Variants in HEPHL1 observed in about 807,000 individuals in gnomAD.
HEPHL1 encodes hephaestin like 1, also known as ferroxidase HEPHL1.
A neutral mutation model predicts 122.0 loss-of-function variants in HEPHL1; 123 were observed. The ratio of observed to expected loss-of-function variants is 1.01; its 90% CI spans 0.87 to 1.17. The LOEUF is 1.17. Among genes scored for constraint, HEPHL1 ranks in the 50% most tolerant of loss-of-function variants. HEPHL1 has a pLI of 0.00. For synonymous variants in HEPHL1, 527 were observed against 508.9 expected, an observed-to-expected ratio of 1.04 and a Z score of -0.48; for missense variants, 1,452 against 1,430.5, an observed-to-expected ratio of 1.01 and a Z score of -0.24.
chr11:94,055,776 G>A lies in HEPHL1; in HGVS notation c.416-7732G>A, dbSNP rs564419172. Reference sequence around the variant, plus strand: ...TATGTGATCAAGAGTAGCAGTCAACGATAATTGGTTTCTGTACCCATAGGA... The same window carrying A: ...TATGTGATCAAGAGTAGCAGTCAACAATAATTGGTTTCTGTACCCATAGGA... On this transcript the variant is annotated intron_variant, in intron 2 of 19. Coordinates refer to ENST00000315765, the MANE Select transcript of HEPHL1 (RefSeq NM_001098672.2). The A allele has an allele frequency of 8.0e-4, 318 of 397,420 alleles. 4 individuals are homozygous for A. Among genetic ancestry groups the A allele is most frequent in the South Asian group, 3.7e-3 (163 of 43,690 alleles). 24.6% of individuals were successfully genotyped at this position (397,420 alleles called of 1,614,324 possible).
At chr11:94,038,265 G>T (rs4753119) in intron 1 of HEPHL1, among the ~76,000 whole-genome samples, 46 of 146,240 alleles carry the variant, frequency 3.1e-4, no homozygotes, top group African/African-American at 6.9e-4. Context: ...GAAAGTGATG[G>T]GGAGAATGGA....
chr11:94,042,667 T>A (rs1168017631), intron 1 of HEPHL1, among the ~76,000 whole-genome samples: 2 of 141,452 alleles, frequency 1.4e-5, no homozygotes, highest in Admixed American at 7.6e-5. Context: ...TAGGTGGGAA[T>A]TGAACAATGA....
chr11:94,034,592 A>G (rs1284392378), intron 1 of HEPHL1, among the ~76,000 whole-genome samples: 1 of 152,248 alleles, frequency 6.6e-6, no homozygotes, highest in Non-Finnish European at 1.5e-5. Flanking sequence ...CAACAAAGGA[A>G]TGTGGCTGTA....
At chr11:94,105,939 A>G (rs1946404495) in intron 16 of HEPHL1, 52 bp from the exon 17 acceptor site, 2 of 1,285,080 alleles carry the variant, frequency 1.6e-6, no homozygotes, top group Non-Finnish European at 2.1e-6. Context: ...CATTTAAAAA[A>G]TCAGCTTATC....
intron 11 of HEPHL1, among the ~76,000 whole-genome samples, chr11:94,087,093 G>T (rs978481445): frequency 1.3e-5 from 2 of 152,134 alleles, no homozygotes; most frequent in African/African-American, 4.8e-5. Flanking sequence ...GAGACTAGGA[G>T]CTCCATAGTC....
At chr11:94,042,802 C>G (rs1223596334) in intron 1 of HEPHL1, among the ~76,000 whole-genome samples, 2 of 136,174 alleles carry the variant, frequency 1.5e-5, no homozygotes, top group African/African-American at 5.4e-5. Context: ...GTGCAGCGCA[C>G]CAGCATGGCA....
At chr11:94,106,566 A>C (rs2134454501) in intron 17 of HEPHL1, among the ~76,000 whole-genome samples, 1 of 152,168 alleles carries the variant, frequency 6.6e-6, no homozygotes, top group Admixed American at 6.5e-5. Flanking sequence ...CAGTGCTGAG[A>C]TTACAGGCGT....
At chr11:94,024,821 G>T (rs559612572) in intron 1 of HEPHL1, among the ~76,000 whole-genome samples, 11 of 152,060 alleles carry the variant, frequency 7.2e-5, no homozygotes, top group Admixed American at 1.3e-4. Flanking sequence ...AAGTTTTGGC[G>T]TATATTCAAT....
chr11:94,036,589 G>A (rs192394715), intron 1 of HEPHL1, among the ~76,000 whole-genome samples: 1 of 152,076 alleles, frequency 6.6e-6, no homozygotes, highest in African/African-American at 2.4e-5. Flanking sequence ...ACTCACTGTG[G>A]ATCTGGAATG....
At chr11:94,093,772 G>A in intron 13 of HEPHL1, 132 bp downstream of exon 13, 1 of 1,009,298 alleles carries the variant, frequency 9.9e-7, no homozygotes, top group Non-Finnish European at 1.4e-6. Flanking sequence ...TCCTCCAAGT[G>A]TAATATCTTC....
chr11:94,071,372 T>A (rs1946072320), intron 6 of HEPHL1, among the ~76,000 whole-genome samples: 1 of 152,286 alleles, frequency 6.6e-6, no homozygotes, highest in South Asian at 2.1e-4. Flanking sequence ...CTTTCACTCA[T>A]TATTCTACCA....
Position 94,101,278 on chromosome 11 carries a change from C to G in HEPHL1, c.2518C>G (p.Gln840Glu), listed in dbSNP as rs772198964. The change falls in exon 14 of 20, where the codon CAG becomes GAG. Residue 840 changes from glutamine to glutamate, a missense_variant. Physicochemically the swap from Gln to Glu is conservative, Grantham distance 29 (BLOSUM62 2). Transcript: ENST00000315765. ...KASRPYSISA[Q>E]GVEEMDSGKQ... The stretch of plus-strand genomic sequence containing the variant: ...CAGTAGGCCCTACTCCATCTCAGCC[C>G]AGGGTGTGGAGGAGATGGATAGTGG... 6.2e-7 allele frequency: 1 copy of G among 1,613,846 alleles called. No individual in the cohort carries two copies. The highest frequency in any genetic ancestry group is 1.7e-5 in the Admixed American group (1 of 60,020).
chr11:94,095,393 T>C (rs1254383182), intron 13 of HEPHL1, among the ~76,000 whole-genome samples: 1 of 152,268 alleles, frequency 6.6e-6, no homozygotes. Flanking sequence ...TTTTGGCTAC[T>C]ACAGCCTTGT....
rs532348219 is a variant in HEPHL1 at position 94,042,712 on chromosome 11, T to C, written c.171-2961T>C. Among the ~76,000 whole-genome samples, 1,009 of 108,800 alleles carry C rather than the reference T, an allele frequency of 9.3e-3. 13 individuals are homozygous for C. Among genetic ancestry groups the C allele is most frequent in the African/African-American group, 0.033 (932 of 28,262 alleles). 71.4% of individuals were successfully genotyped at this position (108,800 alleles called of 152,430 possible). ...GACACAGGAAGGGGAATATCACACT[T>C]TGGGGACTGTGGTGGGGTGGGGGGA... is the stretch of plus-strand genomic sequence containing the variant. On this transcript the variant is annotated intron_variant, in intron 1 of 19. Transcript: ENST00000315765.
chr11:94,090,020 C>T (rs1176012270), intron 12 of HEPHL1, among the ~76,000 whole-genome samples: 2 of 152,070 alleles, frequency 1.3e-5, no homozygotes, highest in African/African-American at 4.8e-5. Flanking sequence ...CCTATCTTAA[C>T]ACAAGTATTT....
intron 1 of HEPHL1, among the ~76,000 whole-genome samples, chr11:94,034,559 T>C (rs1376914809): frequency 6.6e-6 from 1 of 152,212 alleles, no homozygotes; most frequent in Non-Finnish European, 1.5e-5. Context: ...ATACAAAGGC[T>C]ATCAGACCTG....
rs1045614251 is a variant in HEPHL1, at chr11:94,073,408, C to T, written c.1473C>T (p.Asp491=). ...TTTTACCCCATGGTGTGATCTATGA[C>T]AAGGCATCTGATGCAGCCCCAAACC... The part of the protein sequence containing the change: ...YSILPHGVIY[D]KASDAAPNLD... The change falls in exon 8 of 20, where the codon GAC becomes GAT. Residue 491 remains aspartate (D), a synonymous_variant. Transcript: ENST00000315765. 24 of 1,558,622 alleles carry T rather than the reference C, an allele frequency of 1.5e-5. No individual in the cohort carries two copies. Among genetic ancestry groups the T allele is most frequent in the Middle Eastern group, 3.3e-4 (2 of 6,010 alleles).
chr11:94,067,736 G>A lies in HEPHL1; in HGVS notation c.1049G>A (p.Ser350Asn), dbSNP rs1946045770. 1 of 1,613,442 alleles carries A rather than the reference G, an allele frequency of 6.2e-7. No individual in the cohort carries two copies. The highest frequency in any genetic ancestry group is 8.5e-7 in the Non-Finnish European group (1 of 1,179,668). ...PGKWMITCQV[S>N]DHLQAGMLGQ... ...AAGTGGATGATAACCTGCCAGGTCA[G>A]CGACCACCTACAAGGTAAAAAGGAT... is the stretch of plus-strand genomic sequence containing the variant. Residue 350 changes from serine (S) to asparagine (N), a missense_variant, in exon 5 of 20, where the codon AGC (serine) becomes AAC (asparagine). Ser to Asn is a conservative substitution (Grantham distance 46, BLOSUM62 1). Coordinates refer to ENST00000315765, the MANE Select transcript of HEPHL1 (RefSeq NM_001098672.2).
intron 2 of HEPHL1, among the ~76,000 whole-genome samples, chr11:94,048,357 G>A (rs1337345921): frequency 6.6e-6 from 1 of 151,948 alleles, no homozygotes; most frequent in Non-Finnish European, 1.5e-5. Context: ...AGAAAAATAT[G>A]TATGTGCATA....
Sources: gnomAD v4.1 joint callset for allele counts (sites outside exome capture counted in the v4.1 genomes callset) on GRCh38, gnomAD v4.1.1 for gene constraint, MANE v1.5 for transcripts, NCBI Gene and HGNC (gene_info 2026-07-23, HGNC 2026-07-21) for gene names.